The following PTPRN variants were observed in gnomAD, a reference collection of about 807,000 sequenced individuals.
PTPRN encodes the protein receptor-type tyrosine-protein phosphatase-like N.
A neutral mutation model predicts 108.5 loss-of-function variants in PTPRN; 70 were observed. That is an observed-to-expected ratio of 0.65 (90% confidence interval 0.53 to 0.79). The LOEUF is 0.79. PTPRN is among the 30% of genes least tolerant of loss of function. The probability of loss-of-function intolerance (pLI) is 0.00; values close to 1 mark genes in which losing one functional copy is unlikely to be tolerated. For missense variants in PTPRN, 1,136 were observed against 1,295.5 expected (o/e 0.88, Z 1.89); for synonymous variants, 496 against 524.6 (o/e 0.95, Z 0.75).
intron 3 of PTPRN, 184 bp from the exon 4 acceptor site, chr2:219,304,015 G>A: frequency 4.3e-6 from 2 of 464,320 alleles, no homozygotes. Flanking sequence ...ATTGGAGCCA[G>A]ACCACCTGGG....
intron 1 of PTPRN, chr2:219,308,783 G>T: frequency 8.1e-7 from 1 of 1,233,436 alleles, no homozygotes; most frequent in Non-Finnish European, 1.1e-6. Flanking sequence ...GCCCAGCTGG[G>T]ACTCTATGTC....
rs773108829 is a variant in PTPRN at position 219,307,753 on chromosome 2, C to T, written c.166+39G>A. On this transcript the variant is annotated intron_variant, in intron 2 of 22. Transcript: ENST00000295718. ...CTTCTTGTTTTTTATTGCCCCTCTC[C>T]CCCCGATCTTGTGAGTTCTATGCTT... 2.5e-6 allele frequency: 4 copies of T among 1,607,154 alleles called. No individual in the cohort carries two copies. In the Middle Eastern group the frequency reaches 5.0e-4, roughly 199 times the overall value.
chr2:219,294,410 CAGAG>C (rs1224928454), intron 19 of PTPRN, among the ~76,000 whole-genome samples: 2 of 143,658 alleles, frequency 1.4e-5, no homozygotes, highest in Non-Finnish European at 3.0e-5. Context: ...GAGGCAGAGA[CAGAG>C]TGAGAGAGAG....
At position 219,297,063 on chromosome 2, in the gene PTPRN, G is replaced by C. The variant is rs200950374; in HGVS notation, c.2158C>G (p.Gln720Glu). The C allele has an allele frequency of 6.3e-5, 102 of 1,613,958 alleles. No homozygotes were observed. The highest frequency in any genetic ancestry group is 1.0e-4 in the Admixed American group (6 of 60,006). Residue 720 changes from glutamine (Q) to glutamate (E), a missense_variant, in exon 15 of 23, where the codon CAA (glutamine) becomes GAA (glutamate). Transcript: ENST00000295718. The surrounding 1 kb of genome is among the most constrained non-coding windows in gnomAD (Gnocchi z 6.0). ...GTGGCACAGGTGTTTGGCTCTGCTT[G>C]GTAGGCACAGAGGGCCTGCCACTCC... ...AKEWQALCAY[Q>E]AEPNTCATAQ...
chr2:219,302,497 G>A lies in PTPRN; in HGVS notation c.640-6C>T, dbSNP rs758705017. 1 of 1,613,782 alleles carries A rather than the reference G, an allele frequency of 6.2e-7. No homozygotes were observed. The highest frequency in any genetic ancestry group is 1.7e-5 in the Admixed American group (1 of 59,906). ...GAGCCATCACGGGAGCCAAACTGTG[G>A]AAAACCAGAGATCTGGGTAAGAGCA... On this transcript the variant is annotated splice_region_variant and splice_polypyrimidine_tract_variant and intron_variant, in intron 5 of 22. Transcript: ENST00000295718.
intron 20 of PTPRN, among the ~76,000 whole-genome samples, 193 bp downstream of exon 20, chr2:219,291,277 T>C (rs531152983): frequency 2.6e-5 from 4 of 152,312 alleles, no homozygotes; most frequent in African/African-American, 9.6e-5. Flanking sequence ...TTGTATCACA[T>C]ACTTTTCTTC....
chr2:219,296,906 C>A lies in PTPRN; in HGVS notation c.2236+79G>T. On this transcript the variant is annotated intron_variant, in intron 15 of 22. Coordinates refer to ENST00000295718, the MANE Select transcript of PTPRN (RefSeq NM_002846.4). The surrounding 1 kb of genome is among the most constrained non-coding windows in gnomAD (Gnocchi z 6.0). ...TCTGCCACTCAGCCTGAGCCAGAAG[C>A]CCAACCCCTTACCCCAAGCCCTCCA... The A allele has an allele frequency of 1.2e-6, 2 of 1,612,214 alleles. No individual in the cohort carries two copies. The highest frequency in any genetic ancestry group is 8.5e-7 in the Non-Finnish European group (1 of 1,178,740).
chr2:219,309,359 C>T lies in PTPRN; in HGVS notation c.-27G>A, dbSNP rs574267516. On this transcript the variant is annotated 5_prime_UTR_variant, in exon 1 of 23. Transcript: ENST00000295718. ...TTTCCGAGCTCCGGGCGCTCGCTCC[C>T]GGGCCGGAGCCGCAGCGACGCTGGC... 3.2e-6 allele frequency: 4 copies of T among 1,244,004 alleles called. No individual in the cohort carries two copies. The highest frequency in any genetic ancestry group is 5.9e-5 in the East Asian group (2 of 33,878). The allele number at this position is 1,244,004 out of a possible 1,614,324, so 77.1% of individuals were successfully genotyped here. A position where few individuals can be genotyped will look rare whatever the true frequency, so the allele number is the denominator to read the frequency against.
chr2:219,307,415 C>T (rs1340759240), intron 3 of PTPRN, 29 bp downstream of exon 3: 2 of 1,578,350 alleles, frequency 1.3e-6, no homozygotes, highest in African/African-American at 1.4e-5. Context: ...AAGTTCCAAT[C>T]TCTCTCCTCC....
chr2:219,304,360 T>C (rs1952430779), intron 3 of PTPRN, among the ~76,000 whole-genome samples: 1 of 152,166 alleles, frequency 6.6e-6, no homozygotes, highest in African/African-American at 2.4e-5. Context: ...TCAAAGTGCT[T>C]AGAAAACTCT....
intron 19 of PTPRN, chr2:219,292,200 TG>T: frequency 6.5e-6 from 1 of 154,112 alleles, no homozygotes; most frequent in East Asian, 1.9e-4. Context: ...CTTGTCTCCC[TG>T]GAGCAGTCTC....
At chr2:219,308,965 CCTT>C in intron 1 of PTPRN, 1 of 1,490,126 alleles carries the variant, frequency 6.7e-7, no homozygotes, top group Non-Finnish European at 9.0e-7. Flanking sequence ...CACCCCGTGT[CCTT>C]CTCCCGAACC....
rs761397429 is a variant in PTPRN at position 219,296,316 on chromosome 2, G to C, written c.2418C>G (p.Ile806Met). The change falls in exon 18 of 23, where the codon ATC becomes ATG. Residue 806 changes from isoleucine to methionine, a missense_variant. Transcript: ENST00000295718. This position sits in a 1 kb window ranked among gnomAD's most constrained non-coding sequence, Gnocchi z 6.0. ...CCTCCACCAGCGGGGTCAGCATGAC[G>C]ATGACGGTGCAGCCGCTCTCCCACA... ...QMVWESGCTV[I>M]VMLTPLVEDG... The C allele has an allele frequency of 4.3e-5, 70 of 1,614,008 alleles. No homozygotes were observed. The highest frequency in any genetic ancestry group is 5.7e-5 in the Non-Finnish European group (67 of 1,180,032).
rs111853777 is a variant in PTPRN, at chr2:219,294,873, C to A, written c.2675+102G>T. The A allele has an allele frequency of 2.0e-4, 249 of 1,225,136 alleles. 2 individuals carry two copies. The highest frequency in any genetic ancestry group is 1.9e-3 in the South Asian group (102 of 52,916). The allele number at this position is 1,225,136 out of a possible 1,614,324, so 75.9% of individuals were successfully genotyped here. On this transcript the variant is annotated intron_variant, in intron 19 of 22. Transcript: ENST00000295718. ...GAGCGGGCGGCCAGAAGTCAGAGGC[C>A]GAGGCTCCAGGCCCGACCCGGGGCT...
rs376416230 is a variant in PTPRN at position 219,296,478 on chromosome 2, C to T, written c.2349G>A (p.Thr783=). The T allele has an allele frequency of 5.6e-6, 9 of 1,614,136 alleles. No homozygotes were observed. The highest frequency in any genetic ancestry group is 4.0e-5 in the African/African-American group (3 of 75,016). ...CGATGGTATGGGACAGCGGGCCCTG[C>T]GTGGCTATGTAGGCTGGCATCCGAG... ...HDPRMPAYIA[T]QGPLSHTIAD... is the part of the protein sequence containing the mutation. The change falls in exon 17 of 23, where the codon ACG becomes ACA. Residue 783 remains threonine, a synonymous_variant. Coordinates refer to ENST00000295718, the MANE Select transcript of PTPRN (RefSeq NM_002846.4). The surrounding 1 kb of genome is among the most constrained non-coding windows in gnomAD (Gnocchi z 6.0).
Position 219,298,041 on chromosome 2 carries a change from C to T in PTPRN, c.1731G>A (p.Val577=), listed in dbSNP as rs1349556078. 1 of 1,614,070 alleles carries T rather than the reference C, an allele frequency of 6.2e-7. No homozygotes were observed. The highest frequency in any genetic ancestry group is 8.5e-7 in the Non-Finnish European group (1 of 1,179,998). Residue 577 remains valine, a synonymous_variant, in exon 13 of 23, where the codon GTG becomes GTA. Coordinates refer to ENST00000295718, the MANE Select transcript of PTPRN (RefSeq NM_002846.4). ...TAHSTSPMRS[V]LLTLVALAGV... is the part of the protein sequence containing the mutation. ...CTGCCAGGGCCACCAGAGTGAGCAG[C>T]ACTGAGCGCATGGGTGAGGTGCTGT...
chr2:219,295,143 T>C lies in PTPRN; in HGVS notation c.2509-2A>G, dbSNP rs1487680364. ...GATGTGCTCCGACACCAGGTTCACCTGCCCGGCAGGGGCCCAGGCCTGAGC... is the reference window on the plus strand; with the variant it reads ...GATGTGCTCCGACACCAGGTTCACCCGCCCGGCAGGGGCCCAGGCCTGAGC... On this transcript the variant is annotated splice_acceptor_variant, in intron 18 of 22. Coordinates refer to ENST00000295718, the MANE Select transcript of PTPRN (RefSeq NM_002846.4). LOFTEE classifies it high-confidence loss of function. 1 of 1,609,294 alleles carries C rather than the reference T, an allele frequency of 6.2e-7. No individual in the cohort carries two copies. Among genetic ancestry groups the C allele is most frequent in the Admixed American group, 1.7e-5 (1 of 59,536 alleles).
intron 3 of PTPRN, 28 bp downstream of exon 3, chr2:219,307,416 T>C (rs1166727988): frequency 1.9e-6 from 3 of 1,579,928 alleles, no homozygotes; most frequent in Non-Finnish European, 2.6e-6. Context: ...AGTTCCAATC[T>C]CTCTCCTCCA....
At chr2:219,292,904 T>C (rs925924270) in intron 19 of PTPRN, 1 of 152,192 alleles carries the variant, frequency 6.6e-6, no homozygotes, top group Non-Finnish European at 1.5e-5. Flanking sequence ...GTGAGCTCCT[T>C]ATGAGAATCT....
Sources: gnomAD v4.1 joint callset for allele counts (sites outside exome capture counted in the v4.1 genomes callset) on GRCh38, gnomAD v4.1.1 for gene constraint, Gnocchi (gnomAD v3.1) non-coding constraint, MANE v1.5 for transcripts, NCBI Gene and HGNC (gene_info 2026-07-23, HGNC 2026-07-21) for gene names.